INPP1: variants seen among roughly 807,000 people sequenced by gnomAD.
INPP1 encodes the protein inositol polyphosphate 1-phosphatase.
A neutral mutation model predicts 23.0 loss-of-function variants in INPP1; 18 were observed. The observed-to-expected ratio is 0.78, with a 90% confidence interval of 0.54 to 1.16. INPP1 has a LOEUF of 1.16. Among genes scored for constraint, INPP1 ranks in the 50% most tolerant of loss-of-function variants. INPP1 has a pLI of 0.00. For synonymous variants in INPP1, 164 were observed against 176.3 expected, an observed-to-expected ratio of 0.93 and a Z score of 0.55; for missense variants, 448 against 482.1, an observed-to-expected ratio of 0.93 and a Z score of 0.66.
intron 2 of INPP1, among the ~76,000 whole-genome samples, chr2:190,353,282 T>C (rs1397850970): frequency 6.6e-6 from 1 of 152,174 alleles, no homozygotes; most frequent in Non-Finnish European, 1.5e-5. Flanking sequence ...CTGTCTACCA[T>C]GAAGCCAGAG....
chr2:190,369,435 A>G (rs1485100197), intron 6 of INPP1, among the ~76,000 whole-genome samples, 158 bp downstream of exon 6: 1 of 152,212 alleles, frequency 6.6e-6, no homozygotes, highest in African/African-American at 2.4e-5. Context: ...TCTATTTTCA[A>G]TCTTGGATTT....
In INPP1 at chr2:190,360,324, C is replaced by G; in HGVS notation, c.204+18C>G. ...AGAACAAGGTAAGAAAGGTCATAGC[C>G]AAGGTAACTGCAAAATAGTTGCATC... On this transcript the variant is annotated intron_variant, in intron 3 of 6. Coordinates refer to ENST00000392329, the MANE Select transcript of INPP1 (RefSeq NM_001128928.2). 6.2e-7 allele frequency: 1 copy of G among 1,608,594 alleles called. No homozygotes were observed.
chr2:190,366,933 C>A, intron 5 of INPP1, 38 bp downstream of exon 5: 1 of 1,415,684 alleles, frequency 7.1e-7, no homozygotes, highest in Non-Finnish European at 1.0e-6. Context: ...TATTTGCAAT[C>A]TTTTTTTTGG....
intron 1 of INPP1, among the ~76,000 whole-genome samples, chr2:190,347,711 A>G (rs1012748236): frequency 1.3e-5 from 2 of 152,248 alleles, no homozygotes; most frequent in Non-Finnish European, 2.9e-5. Context: ...GCTTTGCTCA[A>G]TGCAAATGAG....
intron 1 of INPP1, among the ~76,000 whole-genome samples, chr2:190,347,479 A>T (rs1689241186): frequency 6.6e-6 from 1 of 152,164 alleles, no homozygotes. Flanking sequence ...GGAAAATGTC[A>T]GAATTTATTT....
Position 190,368,198 on chromosome 2 carries a change from T to C in INPP1, c.467-905T>C, listed in dbSNP as rs80198665. On this transcript the variant is annotated intron_variant, in intron 5 of 6. Transcript: ENST00000392329. This position sits in a 1 kb window ranked among gnomAD's most constrained non-coding sequence, Gnocchi z 4.3. ...TCCTGTTTCTTGGTTCCACCCTGAA[T>C]TGATTCTGTTTTTGAGCTCTTTGAG... Among the ~76,000 whole-genome samples, 975 of 152,332 alleles carry C rather than the reference T, an allele frequency of 6.4e-3. 13 individuals are homozygous for C. Among genetic ancestry groups the C allele is most frequent in the African/African-American group, 0.021 (882 of 41,576 alleles).
In INPP1 at chr2:190,345,646, A is replaced by C. The variant is rs988335200; in HGVS notation, c.-209+1685A>C. The stretch of plus-strand genomic sequence containing the variant: ...TGAATGTTCTTGTTAAAATACTTTG[A>C]ATCTTGTAATGAAGTTAATAAAACT... On this transcript the variant is annotated intron_variant, in intron 1 of 6. Transcript: ENST00000392329. This position sits in a 1 kb window ranked among gnomAD's most constrained non-coding sequence, Gnocchi z 4.9. 6.6e-6 allele frequency: 1 copy of C among 152,200 alleles called. No individual in the cohort carries two copies. Among genetic ancestry groups the C allele is most frequent in the Non-Finnish European group, 1.5e-5 (1 of 68,036 alleles). The allele number at this position is 152,200 out of a possible 1,614,324, so 9.4% of individuals were successfully genotyped here. A position where few individuals can be genotyped will look rare whatever the true frequency, so the allele number is the denominator to read the frequency against.
intron 1 of INPP1, among the ~76,000 whole-genome samples, chr2:190,348,110 C>T (rs1270316375): frequency 6.6e-6 from 1 of 152,180 alleles, no homozygotes; most frequent in Non-Finnish European, 1.5e-5. Flanking sequence ...TGCACTGCAG[C>T]CTGGGCAACA....
intron 4 of INPP1, chr2:190,362,936 GTAACTTA>G (rs1689563620): frequency 1.0e-5 from 3 of 293,016 alleles, no homozygotes; most frequent in Non-Finnish European, 6.3e-6. Flanking sequence ...TGGCATTTAA[GTAACTTA>G]TAACTCAAGC....
At chr2:190,351,415 T>C (rs56082128) in intron 2 of INPP1, among the ~76,000 whole-genome samples, 3,065 of 152,220 alleles carry the variant, frequency 0.02, 105 homozygotes, top group African/African-American at 0.069. Flanking sequence ...GTCAACCCAC[T>C]CGTGTAACCA....
rs1249908399 is a variant in INPP1 at position 190,345,948 on chromosome 2, C to T, written c.-209+1987C>T. ...ATCAGAGGTTGCAGTGAGCCCAGAT[C>T]GCGCCACTGCACTCCAGCCTGGGCG... is the stretch of plus-strand genomic sequence containing the variant. On this transcript the variant is annotated intron_variant, in intron 1 of 6. Transcript: ENST00000392329. This position sits in a 1 kb window ranked among gnomAD's most constrained non-coding sequence, Gnocchi z 4.9. 2.6e-5 allele frequency among the ~76,000 whole-genome samples: 4 copies of T among 152,142 alleles called. No individual in the cohort carries two copies. Among genetic ancestry groups the T allele is most frequent in the Non-Finnish European group, 5.9e-5 (4 of 68,028 alleles).
intron 2 of INPP1, among the ~76,000 whole-genome samples, chr2:190,359,430 G>A (rs1387169582): frequency 6.6e-6 from 1 of 151,722 alleles, no homozygotes; most frequent in Admixed American, 6.6e-5. Context: ...GGTGGTGGGC[G>A]CCTGTAGTCC....
chr2:190,362,049 T>G (rs558940107), intron 3 of INPP1, among the ~76,000 whole-genome samples: 2 of 152,236 alleles, frequency 1.3e-5, no homozygotes, highest in African/African-American at 4.8e-5. Context: ...TTATTCACTC[T>G]ATATATTGAT....
chr2:190,362,698 G>C lies in INPP1; in HGVS notation c.265+11G>C. 6.6e-7 allele frequency: 1 copy of C among 1,504,976 alleles called. No individual in the cohort carries two copies. The highest frequency in any genetic ancestry group is 1.4e-5 in the African/African-American group (1 of 72,250). The allele number at this position is 1,504,976 out of a possible 1,614,324, so 93.2% of individuals were successfully genotyped here. A position where few individuals can be genotyped will look rare whatever the true frequency, so the allele number is the denominator to read the frequency against. ...TTACTAATGACTGGGGTAAGTATAAGAATCTTAATGTGTCTTTGTAATTTA... is the reference window on the plus strand; with the variant it reads ...TTACTAATGACTGGGGTAAGTATAACAATCTTAATGTGTCTTTGTAATTTA... On this transcript the variant is annotated intron_variant, in intron 4 of 6. Transcript: ENST00000392329.
At position 190,343,606 on chromosome 2, in the gene INPP1, C is replaced by G. The variant is rs1689153949; in HGVS notation, c.-564C>G. On this transcript the variant is annotated 5_prime_UTR_variant, in exon 1 of 7. Coordinates refer to ENST00000392329, the MANE Select transcript of INPP1 (RefSeq NM_001128928.2). ...CGCGCTCCACTTGTGACGTCGCGGA[C>G]GCCCGGCTCGGGCAGGCGTGGGGGG... 6.6e-6 allele frequency: 1 copy of G among 152,178 alleles called. No homozygotes were observed. Among genetic ancestry groups the G allele is most frequent in the Admixed American group, 6.5e-5 (1 of 15,286 alleles). 9.4% of individuals were successfully genotyped at this position (152,178 alleles called of 1,614,324 possible).
intron 4 of INPP1, among the ~76,000 whole-genome samples, chr2:190,364,589 G>GATTTTTTT (rs1343039212): frequency 1.5e-5 from 1 of 66,688 alleles, no homozygotes; most frequent in African/African-American, 7.5e-5. Flanking sequence ...CTGAGGTTCT[G>GATTTTTTT]ATTTTTTTTT....
At chr2:190,351,205 G>A (rs1351371404) in intron 2 of INPP1, among the ~76,000 whole-genome samples, 1 of 152,244 alleles carries the variant, frequency 6.6e-6, no homozygotes, top group Non-Finnish European at 1.5e-5. Context: ...AGCTGGGATA[G>A]AGATTTGGCC....
chr2:190,358,806 T>C lies in INPP1; in HGVS notation c.-64-1233T>C, dbSNP rs558531876. Among the ~76,000 whole-genome samples, 18 of 152,326 alleles carry C rather than the reference T, an allele frequency of 1.2e-4. No homozygotes were observed. The East Asian group carries it at 3.3e-3, about 28-fold the overall frequency. ...CCCAACAGATATAATCAAGGTATGA[T>C]AGCATAACACTCTTAGAAGCCAGAA... On this transcript the variant is annotated intron_variant, in intron 2 of 6. Coordinates refer to ENST00000392329, the MANE Select transcript of INPP1 (RefSeq NM_001128928.2).
At chr2:190,358,243 T>A (rs1689458661) in intron 2 of INPP1, among the ~76,000 whole-genome samples, 1 of 152,086 alleles carries the variant, frequency 6.6e-6, no homozygotes, top group Non-Finnish European at 1.5e-5. Context: ...CACGTCTGGC[T>A]AATTTTTGTA....
Sources: gnomAD v4.1 joint callset for allele counts (sites outside exome capture counted in the v4.1 genomes callset) on GRCh38, gnomAD v4.1.1 for gene constraint, Gnocchi (gnomAD v3.1) non-coding constraint, MANE v1.5 for transcripts, NCBI Gene and HGNC (gene_info 2026-07-23, HGNC 2026-07-21) for gene names.